The following TBC1D22A variants were observed in gnomAD, a reference collection of about 807,000 sequenced individuals.
The protein encoded by TBC1D22A is putative GTPase activator.
In TBC1D22A, 38 loss-of-function variants were observed where a neutral mutation model predicts 60.2. The ratio of observed to expected loss-of-function variants is 0.63; its 90% confidence interval spans 0.49 to 0.83. TBC1D22A has a LOEUF of 0.83. Among genes scored for constraint, TBC1D22A ranks in the 40% least tolerant of loss-of-function variants. The pLI is 0.00. For missense variants in TBC1D22A, 628 were observed against 701.0 expected (o/e 0.90, Z 1.18); for synonymous variants, 302 against 281.7 (o/e 1.07, Z -0.72).
intron 1 of TBC1D22A, among the ~76,000 whole-genome samples, chr22:46,782,181 G>A (rs563687627): frequency 1.2e-3 from 186 of 152,222 alleles, no homozygotes; most frequent in African/African-American, 4.2e-3. Flanking sequence ...CAGCCTCCTG[G>A]GTAGCTGGGA....
chr22:47,134,106 C>T (rs1569465740), intron 12 of TBC1D22A, among the ~76,000 whole-genome samples: 1 of 152,192 alleles, frequency 6.6e-6, no homozygotes. Flanking sequence ...GGCGTCTCTT[C>T]CCTTGCACGT....
chr22:47,112,817 C>T (rs1396816512), intron 12 of TBC1D22A, among the ~76,000 whole-genome samples: 1 of 152,236 alleles, frequency 6.6e-6, no homozygotes, highest in African/African-American at 2.4e-5. Context: ...CCTTGCCTCT[C>T]CCAGCCATGG....
At chr22:47,148,264 G>A (rs1195623082) in intron 12 of TBC1D22A, among the ~76,000 whole-genome samples, 1 of 151,484 alleles carries the variant, frequency 6.6e-6, no homozygotes, top group Non-Finnish European at 1.5e-5. Flanking sequence ...ACCTGTCACA[G>A]AGAGAGGCAC....
chr22:46,790,896 A>G (rs2084375511), intron 1 of TBC1D22A, among the ~76,000 whole-genome samples: 1 of 152,192 alleles, frequency 6.6e-6, no homozygotes, highest in Non-Finnish European at 1.5e-5. Flanking sequence ...GTCTCCAAAT[A>G]TCTTTATTAC....
At chr22:46,905,462 T>C (rs1314442940) in intron 7 of TBC1D22A, among the ~76,000 whole-genome samples, 1 of 152,134 alleles carries the variant, frequency 6.6e-6, no homozygotes, top group East Asian at 1.9e-4. Context: ...AAGCAGCAGA[T>C]TGATTTGGGT....
chr22:47,029,355 T>C (rs948662122), intron 10 of TBC1D22A, among the ~76,000 whole-genome samples: 2 of 152,030 alleles, frequency 1.3e-5, no homozygotes, highest in Non-Finnish European at 2.9e-5. Context: ...GCCAGGGTGC[T>C]AACTCTCCTG....
At position 46,835,784 on chromosome 22, in the gene TBC1D22A, T is replaced by C. The variant is rs1173070514; in HGVS notation, c.637+38164T>C. Among the ~76,000 whole-genome samples, 3 of 152,234 alleles carry C rather than the reference T, an allele frequency of 2.0e-5. No homozygotes were observed. In the East Asian group the frequency reaches 5.8e-4, roughly 29 times the overall value. Reference sequence around the variant, plus strand: ...TGAAAAAGTCTATACTGAAACACAATATAATTAAACTGTCAAAAGTCAAAG... The same window carrying C: ...TGAAAAAGTCTATACTGAAACACAACATAATTAAACTGTCAAAAGTCAAAG... On this transcript the variant is annotated intron_variant, in intron 4 of 12. Coordinates refer to ENST00000337137, the MANE Select transcript of TBC1D22A (RefSeq NM_014346.5).
chr22:47,149,285 G>A (rs1183247790), intron 12 of TBC1D22A, among the ~76,000 whole-genome samples: 5 of 152,220 alleles, frequency 3.3e-5, no homozygotes, highest in Non-Finnish European at 5.9e-5. Context: ...AATCACGGAC[G>A]CTCACATCTG....
At chr22:46,885,327 T>C (rs2147547051) in intron 5 of TBC1D22A, among the ~76,000 whole-genome samples, 1 of 152,298 alleles carries the variant, frequency 6.6e-6, no homozygotes, top group South Asian at 2.1e-4. Context: ...GGCTTGAGTT[T>C]GCCTTCGTGT....
chr22:46,921,667 C>A (rs544357045), intron 8 of TBC1D22A, among the ~76,000 whole-genome samples: 2 of 152,188 alleles, frequency 1.3e-5, no homozygotes, highest in East Asian at 3.9e-4. Flanking sequence ...AATCACCGAA[C>A]TGCTTTCCAT....
At chr22:47,062,162 C>T (rs950725789) in intron 11 of TBC1D22A, among the ~76,000 whole-genome samples, 6 of 151,284 alleles carry the variant, frequency 4.0e-5, no homozygotes, top group Admixed American at 2.6e-4. Flanking sequence ...AGTCAGAACG[C>T]GGATTGTTTT....
At chr22:46,807,233 G>T (rs2085183222) in intron 4 of TBC1D22A, among the ~76,000 whole-genome samples, 1 of 105,170 alleles carries the variant, frequency 9.5e-6, no homozygotes, top group Non-Finnish European at 2.1e-5. Context: ...TTAGAATTCA[G>T]GGCTTCAGGG....
At chr22:46,907,316 C>T (rs1043991844) in intron 7 of TBC1D22A, among the ~76,000 whole-genome samples, 13 of 152,122 alleles carry the variant, frequency 8.5e-5, no homozygotes, top group African/African-American at 3.1e-4. Flanking sequence ...ACTTCTGCCC[C>T]TTCCTCTCTG....
intron 12 of TBC1D22A, among the ~76,000 whole-genome samples, chr22:47,125,733 G>A (rs73889408): frequency 0.021 from 3,141 of 152,320 alleles, 121 homozygotes; most frequent in African/African-American, 0.072. Context: ...CACTCTGCAA[G>A]AACTTCCCAG....
At chr22:46,779,134 C>T (rs1238705201) in intron 1 of TBC1D22A, among the ~76,000 whole-genome samples, 1 of 152,238 alleles carries the variant, frequency 6.6e-6, no homozygotes, top group African/African-American at 2.4e-5. Flanking sequence ...GTATTACGTA[C>T]AGTACATAAT....
At chr22:47,043,341 C>T (rs998094851) in intron 11 of TBC1D22A, among the ~76,000 whole-genome samples, 5 of 152,080 alleles carry the variant, frequency 3.3e-5, no homozygotes, top group African/African-American at 1.2e-4. Flanking sequence ...GCAGGTGGGC[C>T]GGGGCGACGG....
chr22:46,918,893 G>A (rs1602483498), intron 8 of TBC1D22A, among the ~76,000 whole-genome samples: 5 of 152,142 alleles, frequency 3.3e-5, no homozygotes, highest in Admixed American at 6.5e-5. Context: ...CCGCGTGCCC[G>A]TCATCTGACT....
At chr22:47,167,493 A>G (rs1255262921) in intron 12 of TBC1D22A, among the ~76,000 whole-genome samples, 1 of 152,228 alleles carries the variant, frequency 6.6e-6, no homozygotes, top group Non-Finnish European at 1.5e-5. Flanking sequence ...CCTGCCGCCC[A>G]CAGCTCAGCA....
intron 12 of TBC1D22A, among the ~76,000 whole-genome samples, chr22:47,156,662 G>C (rs761117768): frequency 6.6e-5 from 10 of 152,092 alleles, no homozygotes; most frequent in Non-Finnish European, 1.0e-4. Context: ...CCCTTCTCCT[G>C]TCCACTCCTG....
Sources: gnomAD v4.1 joint callset for allele counts (sites outside exome capture counted in the v4.1 genomes callset) on GRCh38, gnomAD v4.1.1 for gene constraint, MANE v1.5 for transcripts, NCBI Gene and HGNC (gene_info 2026-07-23, HGNC 2026-07-21) for gene names.